Variants in NKAIN3 observed in about 807,000 individuals in gnomAD.
NKAIN3 encodes the protein sodium/potassium-transporting ATPase subunit beta-1-interacting protein 3.
In NKAIN3, 25 loss-of-function variants were observed where a neutral mutation model predicts 30.2. The observed-to-expected ratio is 0.83, with a 90% CI of 0.60 to 1.16. The LOEUF is 1.16. NKAIN3 is among the 50% of genes most tolerant of loss of function. The pLI, the probability that NKAIN3 is intolerant of heterozygous loss-of-function variation, is 0.00. For synonymous variants in NKAIN3, 91 were observed against 89.6 expected (o/e 1.02, Z -0.09); for missense variants, 225 against 254.1 (o/e 0.89, Z 0.78).
At chr8:62,997,732 C>G (rs1181972710) in intron 5 of NKAIN3, among the ~76,000 whole-genome samples, 1 of 146,708 alleles carries the variant, frequency 6.8e-6, no homozygotes, top group African/African-American at 2.5e-5. Context: ...TTTCAATTTA[C>G]CAAATAAATG....
intron 3 of NKAIN3, among the ~76,000 whole-genome samples, chr8:62,741,050 T>G (rs1398211233): frequency 6.6e-6 from 1 of 151,808 alleles, no homozygotes; most frequent in Non-Finnish European, 1.5e-5. Flanking sequence ...ACACCAAATC[T>G]TCTCCTCTTA....
chr8:62,286,043 A>T (rs992189442), intron 1 of NKAIN3, among the ~76,000 whole-genome samples: 1 of 152,204 alleles, frequency 6.6e-6, no homozygotes, highest in Non-Finnish European at 1.5e-5. Flanking sequence ...CTAGCCAAGT[A>T]CTACGTATAT....
intron 1 of NKAIN3, among the ~76,000 whole-genome samples, chr8:62,325,928 G>A (rs1815105774): frequency 6.6e-6 from 1 of 151,880 alleles, no homozygotes; most frequent in Non-Finnish European, 1.5e-5. Context: ...TGCGTGGTTT[G>A]CAAAAATTCT....
At chr8:62,275,456 A>G (rs1448841423) in intron 1 of NKAIN3, among the ~76,000 whole-genome samples, 1 of 152,114 alleles carries the variant, frequency 6.6e-6, no homozygotes, top group African/African-American at 2.4e-5. Context: ...GTAATTCTGA[A>G]TTTTCTCTGT....
Position 62,790,581 on chromosome 8 carries a change from CTG to C in NKAIN3, c.471+43472_471+43473del, listed in dbSNP as rs35454019. On this transcript the variant is annotated intron_variant, in intron 4 of 6. Coordinates refer to ENST00000623646, the MANE Select transcript of NKAIN3 (RefSeq NM_001304533.3). ...TGTGTGTGTGTGTCTGTCTGTCTGT[CTG>C]TGTGTGTGTGTGTGTGTGTCTGTCT... is the stretch of plus-strand genomic sequence containing the variant. Among the ~76,000 whole-genome samples, 653 of 147,422 alleles carry C rather than the reference CTG, an allele frequency of 4.4e-3. 7 individuals carry two copies. The highest frequency in any genetic ancestry group is 6.4e-3 in the African/African-American group (253 of 39,422).
At chr8:62,412,106 T>C (rs1804255599) in intron 1 of NKAIN3, among the ~76,000 whole-genome samples, 1 of 152,084 alleles carries the variant, frequency 6.6e-6, no homozygotes, top group Non-Finnish European at 1.5e-5. Flanking sequence ...GTACAAATAG[T>C]TAAAGCAATA....
chr8:62,696,891 C>G (rs72651583), intron 3 of NKAIN3, among the ~76,000 whole-genome samples: 103 of 152,224 alleles, frequency 6.8e-4, no homozygotes, highest in Non-Finnish European at 1.2e-3. Flanking sequence ...AATTATTTAT[C>G]AAGATTTCCT....
chr8:62,527,917 G>A (rs1206592045), intron 1 of NKAIN3, among the ~76,000 whole-genome samples: 1 of 145,656 alleles, frequency 6.9e-6, no homozygotes, highest in African/African-American at 2.7e-5. Context: ...GTGTGTGTGT[G>A]ACAGAGAGAC....
chr8:62,747,219 A>C, intron 4 of NKAIN3, 90 bp downstream of exon 4: 1 of 749,074 alleles, frequency 1.3e-6, no homozygotes, highest in African/African-American at 1.7e-5. Context: ...AATGCCACAG[A>C]TAAGCACACA....
At chr8:62,544,517 G>A (rs991514058) in intron 1 of NKAIN3, among the ~76,000 whole-genome samples, 4 of 151,694 alleles carry the variant, frequency 2.6e-5, no homozygotes, top group African/African-American at 7.3e-5. Flanking sequence ...TTTCTTTAAG[G>A]CCTCATTTTT....
At chr8:62,904,063 G>A (rs1252587203) in intron 4 of NKAIN3, among the ~76,000 whole-genome samples, 1 of 152,164 alleles carries the variant, frequency 6.6e-6, no homozygotes, top group African/African-American at 2.4e-5. Context: ...ACAAAGCTGA[G>A]CCCTCAACCC....
At chr8:62,526,271 T>TA (rs1275021984) in intron 1 of NKAIN3, among the ~76,000 whole-genome samples, 6 of 151,650 alleles carry the variant, frequency 4.0e-5, no homozygotes, top group African/African-American at 1.2e-4. Flanking sequence ...CAACAACAAC[T>TA]AAAAAAAACC....
chr8:62,458,035 C>A (rs1454938526), intron 1 of NKAIN3, among the ~76,000 whole-genome samples: 3 of 152,138 alleles, frequency 2.0e-5, no homozygotes, highest in Non-Finnish European at 4.4e-5. Flanking sequence ...AGTGTATAAT[C>A]CAGCTTTGTC....
intron 1 of NKAIN3, among the ~76,000 whole-genome samples, chr8:62,335,208 A>T (rs1815499829): frequency 1.3e-5 from 2 of 151,938 alleles, no homozygotes; most frequent in South Asian, 4.1e-4. Flanking sequence ...GCTGAGGCAG[A>T]TGGATCACTT....
chr8:62,851,031 C>A (rs1481056276), intron 4 of NKAIN3, among the ~76,000 whole-genome samples: 4 of 151,720 alleles, frequency 2.6e-5, no homozygotes, highest in African/African-American at 4.8e-5. Context: ...CATTGAATCT[C>A]TAAATTACCT....
chr8:62,253,387 G>T (rs966699987), intron 1 of NKAIN3, among the ~76,000 whole-genome samples: 5 of 152,074 alleles, frequency 3.3e-5, no homozygotes, highest in African/African-American at 1.2e-4. Flanking sequence ...ATCAGTCTGG[G>T]CAACATAGCG....
At chr8:62,453,727 C>T (rs1032454603) in intron 1 of NKAIN3, among the ~76,000 whole-genome samples, 1 of 152,000 alleles carries the variant, frequency 6.6e-6, no homozygotes, top group Non-Finnish European at 1.5e-5. Flanking sequence ...TACAGAAAAC[C>T]CTCAGAGACT....
chr8:62,277,470 T>C (rs1015535460), intron 1 of NKAIN3, among the ~76,000 whole-genome samples: 24 of 152,168 alleles, frequency 1.6e-4, no homozygotes, highest in Non-Finnish European at 1.5e-5. Flanking sequence ...TTGCAAACCC[T>C]CCTTCTGTGG....
intron 4 of NKAIN3, among the ~76,000 whole-genome samples, chr8:62,789,962 T>C (rs975483984): frequency 2.6e-5 from 4 of 152,172 alleles, no homozygotes; most frequent in Non-Finnish European, 5.9e-5. Flanking sequence ...ACTCATTTTA[T>C]GAGGCCAGCA....
Sources: gnomAD v4.1 joint callset for allele counts (sites outside exome capture counted in the v4.1 genomes callset) on GRCh38, gnomAD v4.1.1 for gene constraint, MANE v1.5 for transcripts, NCBI Gene and HGNC (gene_info 2026-07-23, HGNC 2026-07-21) for gene names.